Variants in GALNTL6 observed in about 807,000 individuals in gnomAD.
GALNTL6 encodes the protein polypeptide N-acetylgalactosaminyltransferase like 6.
A neutral mutation model predicts 73.7 loss-of-function variants in GALNTL6; 46 were observed. The observed-to-expected ratio is 0.62, with a 90% CI of 0.49 to 0.80. The LOEUF is 0.80. Ranked by LOEUF, GALNTL6 falls within the 30% of genes least tolerant of loss-of-function variation. The probability of loss-of-function intolerance (pLI) is 0.00; values close to 1 mark genes in which losing one functional copy is unlikely to be tolerated. For missense variants in GALNTL6, 604 were observed against 755.0 expected (o/e 0.80, Z 2.34); for synonymous variants, 259 against 263.7 (o/e 0.98, Z 0.17).
intron 5 of GALNTL6, among the ~76,000 whole-genome samples, chr4:172,708,200 GT>G (rs1345580937): frequency 6.6e-6 from 1 of 152,098 alleles, no homozygotes; most frequent in East Asian, 1.9e-4. Flanking sequence ...ACAGGCACAT[GT>G]TACCATGCCC....
chr4:172,743,027 G>A (rs544447894), intron 5 of GALNTL6, among the ~76,000 whole-genome samples: 26 of 152,080 alleles, frequency 1.7e-4, no homozygotes, highest in Non-Finnish European at 2.6e-4. Context: ...GTGATTTGAC[G>A]TCCCATTGTT....
intron 3 of GALNTL6, among the ~76,000 whole-genome samples, chr4:172,247,612 C>A (rs908493850): frequency 6.6e-6 from 1 of 152,054 alleles, no homozygotes. Flanking sequence ...TGCCTGGGAA[C>A]AATACAAAGC....
At chr4:172,996,840 T>C (rs1379704376) in intron 10 of GALNTL6, among the ~76,000 whole-genome samples, 3 of 49,868 alleles carry the variant, frequency 6.0e-5, no homozygotes, top group African/African-American at 2.0e-4. Flanking sequence ...ACTTTTCCTT[T>C]CAGAAATGGA....
At chr4:172,950,717 A>G (rs1749400735) in intron 9 of GALNTL6, among the ~76,000 whole-genome samples, 1 of 152,188 alleles carries the variant, frequency 6.6e-6, no homozygotes, top group Non-Finnish European at 1.5e-5. Context: ...AAGATAAAGC[A>G]CTTTTCCTAA....
intron 2 of GALNTL6, among the ~76,000 whole-genome samples, chr4:172,177,165 C>T (rs1411432469): frequency 6.6e-6 from 1 of 152,166 alleles, no homozygotes; most frequent in Non-Finnish European, 1.5e-5. Flanking sequence ...AATCACAATA[C>T]ACACATGGTC....
intron 2 of GALNTL6, among the ~76,000 whole-genome samples, chr4:171,935,123 A>G (rs1738302474): frequency 6.6e-6 from 1 of 152,166 alleles, no homozygotes. Flanking sequence ...TTGCTTGGGC[A>G]GTGATGTGAG....
intron 5 of GALNTL6, among the ~76,000 whole-genome samples, chr4:172,757,071 C>A (rs1737795121): frequency 6.6e-6 from 1 of 152,028 alleles, no homozygotes; most frequent in Admixed American, 6.6e-5. Context: ...ATTAATTGGC[C>A]CTGTAACTAA....
chr4:172,549,824 AC>A (rs1735892949), intron 5 of GALNTL6, among the ~76,000 whole-genome samples: 2 of 151,962 alleles, frequency 1.3e-5, no homozygotes, highest in Non-Finnish European at 2.9e-5. Context: ...CTTACCTTCC[AC>A]CCCTAGACGA....
chr4:172,568,442 CT>C (rs960893475), intron 5 of GALNTL6, among the ~76,000 whole-genome samples: 1 of 152,140 alleles, frequency 6.6e-6, no homozygotes, highest in Non-Finnish European at 1.5e-5. Context: ...TCTAAGGTCT[CT>C]TTTAAACTAG....
intron 5 of GALNTL6, among the ~76,000 whole-genome samples, chr4:172,397,539 C>T (rs573508474): frequency 1.3e-5 from 2 of 150,188 alleles, no homozygotes; most frequent in South Asian, 4.2e-4. Flanking sequence ...ATTTAACTCT[C>T]CTAGAAATAA....
chr4:171,916,899 G>A (rs1192080694), intron 2 of GALNTL6, among the ~76,000 whole-genome samples: 1 of 151,872 alleles, frequency 6.6e-6, no homozygotes, highest in Non-Finnish European at 1.5e-5. Flanking sequence ...CTAAAGCTTG[G>A]GTAAAGGAAT....
rs1258916981 is a variant in GALNTL6 at position 173,041,015 on chromosome 4, G to A, written c.*915G>A. On this transcript the variant is annotated 3_prime_UTR_variant, in exon 13 of 13. Transcript: ENST00000506823. ...TTTGTCCAGTCATAATTTTTATTAAGCAAGGAAATGGAGTGAGTTTGATGT... is the reference window on the plus strand; with the variant it reads ...TTTGTCCAGTCATAATTTTTATTAAACAAGGAAATGGAGTGAGTTTGATGT... The A allele has an allele frequency of 6.6e-6, 1 of 152,232 alleles. No homozygotes were observed. The highest frequency in any genetic ancestry group is 1.5e-5 in the Non-Finnish European group (1 of 68,004). The allele number at this position is 152,232 out of a possible 1,614,324, so 9.4% of individuals were successfully genotyped here.
At chr4:171,944,688 T>A (rs1738648962) in intron 2 of GALNTL6, among the ~76,000 whole-genome samples, 1 of 152,006 alleles carries the variant, frequency 6.6e-6, no homozygotes, top group Admixed American at 6.6e-5. Flanking sequence ...CCTCTGGGTG[T>A]GAGAAGGAAA....
chr4:172,569,863 A>T (rs932773071), intron 5 of GALNTL6, among the ~76,000 whole-genome samples: 2 of 152,192 alleles, frequency 1.3e-5, no homozygotes, highest in African/African-American at 4.8e-5. Context: ...GCGAGGGATT[A>T]TGAGCTAGGT....
At chr4:172,545,888 A>T (rs555369163) in intron 5 of GALNTL6, 13 of 152,338 alleles carry the variant, frequency 8.5e-5, no homozygotes, top group African/African-American at 3.1e-4. Flanking sequence ...CAAACTAGGC[A>T]AAAGAATGAG....
At chr4:172,678,612 A>G (rs1560874745) in intron 5 of GALNTL6, among the ~76,000 whole-genome samples, 1 of 152,144 alleles carries the variant, frequency 6.6e-6, no homozygotes, top group African/African-American at 2.4e-5. Context: ...AGTAATTACT[A>G]TTTTTATTTT....
chr4:172,025,393 C>G (rs1365009617), intron 2 of GALNTL6, among the ~76,000 whole-genome samples: 1 of 151,968 alleles, frequency 6.6e-6, no homozygotes, highest in East Asian at 1.9e-4. Flanking sequence ...ACCTTGAAAA[C>G]TTCTAGTAGC....
chr4:171,894,786 G>T (rs1008841007), intron 2 of GALNTL6, among the ~76,000 whole-genome samples: 1 of 152,142 alleles, frequency 6.6e-6, no homozygotes, highest in African/African-American at 2.4e-5. Context: ...ACCATGAGCT[G>T]AAAGAGTTCC....
At chr4:172,817,469 T>C (rs985431801) in intron 7 of GALNTL6, among the ~76,000 whole-genome samples, 1 of 152,154 alleles carries the variant, frequency 6.6e-6, no homozygotes, top group Middle Eastern at 3.4e-3. Flanking sequence ...TTTGGGTTAT[T>C]ATTAAGGAAG....
Sources: allele counts gnomAD v4.1 joint callset (sites outside exome capture counted in the v4.1 genomes callset), GRCh38; gene constraint gnomAD v4.1.1; transcripts MANE v1.5; gene names NCBI Gene and HGNC (gene_info 2026-07-23, HGNC 2026-07-21).